ETV6: variants seen among roughly 807,000 people sequenced by gnomAD.
ETV6 encodes the protein ETS variant transcription factor 6.
A neutral mutation model predicts 51.1 loss-of-function variants in ETV6; 16 were observed. The observed-to-expected ratio is 0.31, with a 90% confidence interval of 0.21 to 0.48. The LOEUF (loss-of-function observed/expected upper bound fraction) is 0.48, where lower values mean the gene tolerates loss of function less well. Ranked by LOEUF, ETV6 falls within the 20% of genes least tolerant of loss-of-function variation. The pLI, the probability that ETV6 is intolerant of heterozygous loss-of-function variation, is 0.99. For synonymous variants in ETV6, 240 were observed against 224.1 expected, an observed-to-expected ratio of 1.07 and a Z score of -0.64; for missense variants, 458 against 594.8, an observed-to-expected ratio of 0.77 and a Z score of 2.39.
At chr12:11,762,684 T>C (rs1478950527) in intron 2 of ETV6, among the ~76,000 whole-genome samples, 5 of 152,314 alleles carry the variant, frequency 3.3e-5, no homozygotes, top group Middle Eastern at 3.4e-3. Context: ...GTGACACTTA[T>C]ACCATCCCCT....
intron 2 of ETV6, among the ~76,000 whole-genome samples, chr12:11,789,322 A>G (rs1465281278): frequency 3.9e-5 from 6 of 152,008 alleles, no homozygotes; most frequent in Non-Finnish European, 8.8e-5. Context: ...GTGAGCCACG[A>G]TCGTATTTCT....
intron 2 of ETV6, among the ~76,000 whole-genome samples, chr12:11,796,200 A>G (rs556228132): frequency 3.3e-5 from 5 of 152,290 alleles, no homozygotes; most frequent in African/African-American, 1.2e-4. Flanking sequence ...GTGAGTCTTA[A>G]GTGAAAAGGA....
chr12:11,827,541 C>G (rs544674967), intron 2 of ETV6, among the ~76,000 whole-genome samples: 2 of 152,260 alleles, frequency 1.3e-5, no homozygotes, highest in Admixed American at 1.3e-4. Context: ...TCCCAGCCCC[C>G]GCGCCCTGCC....
At chr12:11,844,371 A>T (rs1019807076) in intron 3 of ETV6, among the ~76,000 whole-genome samples, 2 of 152,226 alleles carry the variant, frequency 1.3e-5, no homozygotes, top group Non-Finnish European at 2.9e-5. Context: ...TTAGTAGACT[A>T]AAATCTGCAG....
At chr12:11,682,812 C>T (rs1458396124) in intron 1 of ETV6, among the ~76,000 whole-genome samples, 2 of 152,178 alleles carry the variant, frequency 1.3e-5, no homozygotes, top group African/African-American at 2.4e-5. Context: ...GTTTTCCCAA[C>T]ACAACTTATT....
Position 11,793,920 on chromosome 12 carries a change from C to A in ETV6, c.163+41341C>A, listed in dbSNP as rs565596393. 3.9e-5 allele frequency among the ~76,000 whole-genome samples: 6 copies of A among 152,012 alleles called. No individual in the cohort carries two copies. In the South Asian group the frequency reaches 1.2e-3, roughly 32 times the overall value. On this transcript the variant is annotated intron_variant, in intron 2 of 7. Transcript: ENST00000396373. ...TCCTCCCCCTTTTTCTTTTTTTCTT[C>A]ATCAAAAAGATATGAATGCTGAGAT... is the stretch of plus-strand genomic sequence containing the variant.
intron 2 of ETV6, among the ~76,000 whole-genome samples, chr12:11,774,511 T>A (rs1284365880): frequency 6.6e-6 from 1 of 152,342 alleles, no homozygotes; most frequent in East Asian, 1.9e-4. Context: ...GGATGTGATA[T>A]AACAAGCATG....
chr12:11,697,024 G>A (rs1864890514), intron 1 of ETV6, among the ~76,000 whole-genome samples: 1 of 152,158 alleles, frequency 6.6e-6, no homozygotes, highest in Admixed American at 6.5e-5. Flanking sequence ...TAATACTTCT[G>A]TAAATAATTG....
intron 1 of ETV6, among the ~76,000 whole-genome samples, chr12:11,651,239 G>A (rs1389402059): frequency 6.6e-6 from 1 of 152,178 alleles, no homozygotes; most frequent in Non-Finnish European, 1.5e-5. Flanking sequence ...TATTTAATGT[G>A]TGTTCACTGA....
At chr12:11,818,336 G>A (rs112749751) in intron 2 of ETV6, among the ~76,000 whole-genome samples, 157 of 152,216 alleles carry the variant, frequency 1.0e-3, no homozygotes, top group African/African-American at 3.3e-3. Flanking sequence ...TGGCCAACAT[G>A]GCGAAACCCC....
At chr12:11,673,818 TC>T (rs1378869254) in intron 1 of ETV6, among the ~76,000 whole-genome samples, 1 of 152,184 alleles carries the variant, frequency 6.6e-6, no homozygotes, top group Non-Finnish European at 1.5e-5. Flanking sequence ...CCTTTTCCTT[TC>T]CCCCGAGTTA....
rs1947306200 is a variant in ETV6, at chr12:11,892,281, G to A, written c.*1235G>A. 4.5e-6 allele frequency: 1 copy of A among 222,398 alleles called. No homozygotes were observed. The highest frequency in any genetic ancestry group is 6.2e-5 in the East Asian group (1 of 16,030). 13.8% of individuals were successfully genotyped at this position (222,398 alleles called of 1,614,324 possible). A position where few individuals can be genotyped will look rare whatever the true frequency, so the allele number is the denominator to read the frequency against. On this transcript the variant is annotated 3_prime_UTR_variant, in exon 8 of 8. Coordinates refer to ENST00000396373, the MANE Select transcript of ETV6 (RefSeq NM_001987.5). ...TTTCCTGGTCTCCACTGGACACAGA[G>A]CTTTGGAGACGGAGGATCCCAGAGG...
intron 2 of ETV6, among the ~76,000 whole-genome samples, chr12:11,827,519 C>T (rs960348880): frequency 6.6e-6 from 1 of 152,132 alleles, no homozygotes; most frequent in African/African-American, 2.4e-5. Context: ...ACACCTCTTT[C>T]GCACTCCCTT....
chr12:11,659,551 T>C (rs192616147), intron 1 of ETV6, among the ~76,000 whole-genome samples: 2 of 152,318 alleles, frequency 1.3e-5, no homozygotes, highest in East Asian at 3.9e-4. Flanking sequence ...GCCGTGTAAC[T>C]TTATCTTTCT....
At chr12:11,685,997 G>A (rs1864621434) in intron 1 of ETV6, among the ~76,000 whole-genome samples, 1 of 152,032 alleles carries the variant, frequency 6.6e-6, no homozygotes, top group Non-Finnish European at 1.5e-5. Context: ...AAATCTTCAG[G>A]GTTAGTATTC....
intron 1 of ETV6, among the ~76,000 whole-genome samples, 184 bp downstream of exon 1, chr12:11,650,344 T>TCCCCCCCCCCCC (rs145552837): frequency 7.8e-6 from 1 of 127,402 alleles, no homozygotes; most frequent in Non-Finnish European, 1.6e-5. Context: ...ACCTTGCTAC[T>TCCCCCCCCCCCC]CCCCCCCACC....
At chr12:11,692,901 A>G (rs1278761312) in intron 1 of ETV6, among the ~76,000 whole-genome samples, 1 of 152,040 alleles carries the variant, frequency 6.6e-6, no homozygotes, top group African/African-American at 2.4e-5. Context: ...TTAGCCAGGC[A>G]TGGTGGCACA....
intron 1 of ETV6, among the ~76,000 whole-genome samples, chr12:11,686,653 G>A (rs570027800): frequency 2.0e-5 from 3 of 152,156 alleles, no homozygotes; most frequent in East Asian, 1.9e-4. Context: ...TCAGCCTCCC[G>A]AATATATGGG....
chr12:11,723,369 A>G (rs1320518554), intron 1 of ETV6, among the ~76,000 whole-genome samples: 2 of 151,938 alleles, frequency 1.3e-5, no homozygotes, highest in South Asian at 2.1e-4. Context: ...AATACCCACA[A>G]CGCACTCTCC....
Sources: allele counts gnomAD v4.1 joint callset (sites outside exome capture counted in the v4.1 genomes callset), GRCh38; gene constraint gnomAD v4.1.1; transcripts MANE v1.5; gene names NCBI Gene and HGNC (gene_info 2026-07-23, HGNC 2026-07-21).